The following CNBD1 variants were observed in gnomAD, a reference collection of about 807,000 sequenced individuals.
CNBD1 encodes cyclic nucleotide-binding domain-containing protein 1.
A neutral mutation model predicts 54.4 loss-of-function variants in CNBD1; 71 were observed. The ratio of observed to expected loss-of-function variants is 1.30; its 90% CI spans 1.08 to 1.59. CNBD1 has a LOEUF of 1.59. Ranked by LOEUF, CNBD1 falls within the 40% of genes most tolerant of loss-of-function variation. The pLI is 0.00. For synonymous variants in CNBD1, 182 were observed against 170.7 expected, an observed-to-expected ratio of 1.07 and a Z score of -0.51; for missense variants, 659 against 518.0, an observed-to-expected ratio of 1.27 and a Z score of -2.64.
At chr8:87,147,218 GTTA>G (rs1812508149) in intron 4 of CNBD1, among the ~76,000 whole-genome samples, 1 of 152,006 alleles carries the variant, frequency 6.6e-6, no homozygotes, top group Non-Finnish European at 1.5e-5. Context: ...TATGTGATAT[GTTA>G]TTATTTATTT....
chr8:87,258,023 C>T (rs1396338743), intron 6 of CNBD1, among the ~76,000 whole-genome samples: 2 of 151,888 alleles, frequency 1.3e-5, no homozygotes, highest in South Asian at 2.1e-4. Flanking sequence ...TAAAATATAA[C>T]CTGAAGATTA....
At chr8:87,223,348 A>G (rs1372097126) in intron 5 of CNBD1, among the ~76,000 whole-genome samples, 3 of 151,550 alleles carry the variant, frequency 2.0e-5, no homozygotes, top group South Asian at 2.1e-4. Flanking sequence ...CCACTAACTC[A>G]TCATCTAGCA....
intron 4 of CNBD1, among the ~76,000 whole-genome samples, chr8:87,075,776 G>A (rs961175517): frequency 2.0e-5 from 3 of 152,068 alleles, no homozygotes; most frequent in African/African-American, 7.2e-5. Context: ...ATGGGTGTTT[G>A]GCGAATGTTT....
At chr8:87,070,094 A>G (rs1365274365) in intron 4 of CNBD1, among the ~76,000 whole-genome samples, 1 of 152,072 alleles carries the variant, frequency 6.6e-6, no homozygotes, top group Non-Finnish European at 1.5e-5. Flanking sequence ...ATTAGTGGGT[A>G]TCCACATTTC....
At chr8:86,905,288 C>T in intron 3 of CNBD1, 94 bp downstream of exon 3, 1 of 696,678 alleles carries the variant, frequency 1.4e-6, no homozygotes. Context: ...AATATTTGAC[C>T]AGTTTCAGTC....
At chr8:87,422,175 GC>G (rs1224867637) in intron 2 of CNBD1, among the ~76,000 whole-genome samples, 2 of 145,970 alleles carry the variant, frequency 1.4e-5, no homozygotes, top group Non-Finnish European at 1.5e-5. Flanking sequence ...CTGGATATTA[GC>G]CCTTTGTCAG....
In CNBD1 at chr8:86,988,001, G is replaced by A. The variant is rs139951939; in HGVS notation, c.431+48247G>A. Among the ~76,000 whole-genome samples, 53 of 152,154 alleles carry A rather than the reference G, an allele frequency of 3.5e-4. 1 individual carries two copies. The highest frequency in any genetic ancestry group is 1.1e-3 in the African/African-American group (45 of 41,540). On this transcript the variant is annotated intron_variant, in intron 4 of 10. Coordinates refer to ENST00000518476, the MANE Select transcript of CNBD1 (RefSeq NM_173538.3). ...TTCCCGATTTTGGTATCAGGCTGAC[G>A]CTAGCTTAATATAATGAGCAGGAAG...
At chr8:87,102,759 A>T (rs1410931019) in intron 4 of CNBD1, among the ~76,000 whole-genome samples, 1 of 151,944 alleles carries the variant, frequency 6.6e-6, no homozygotes, top group African/African-American at 2.4e-5. Flanking sequence ...GACTACAGGC[A>T]CCTGCCAAAA....
intron 6 of CNBD1, among the ~76,000 whole-genome samples, chr8:87,264,781 A>G (rs927127220): frequency 2.6e-5 from 4 of 152,034 alleles, no homozygotes; most frequent in African/African-American, 4.8e-5. Context: ...TGTGTCTGTC[A>G]GCTGCATAAA....
intron 8 of CNBD1, among the ~76,000 whole-genome samples, chr8:87,321,474 G>A (rs1255078177): frequency 2.6e-5 from 4 of 152,030 alleles, no homozygotes; most frequent in Non-Finnish European, 5.9e-5. Flanking sequence ...TCTTATACCT[G>A]TTCTACATTT....
At chr8:86,894,569 A>G (rs1808822717) in intron 2 of CNBD1, among the ~76,000 whole-genome samples, 1 of 152,164 alleles carries the variant, frequency 6.6e-6, no homozygotes, top group African/African-American at 2.4e-5. Context: ...TGTGTTGAAC[A>G]TTGCAGGGCT....
At chr8:87,041,672 G>A (rs539207765) in intron 4 of CNBD1, among the ~76,000 whole-genome samples, 1 of 152,126 alleles carries the variant, frequency 6.6e-6, no homozygotes, top group African/African-American at 2.4e-5. Context: ...GGTGGTGGGT[G>A]CCTGTAGTCC....
chr8:87,144,777 G>A (rs150080722), intron 4 of CNBD1, among the ~76,000 whole-genome samples: 2,039 of 147,840 alleles, frequency 0.014, 38 homozygotes, highest in African/African-American at 0.043. Flanking sequence ...GCCAAATTGC[G>A]CCATTGCACT....
At chr8:87,386,044 G>T (rs1264815645), downstream of CNBD1, among the ~76,000 whole-genome samples, 1 of 152,116 alleles carries the variant, frequency 6.6e-6, no homozygotes, top group African/African-American at 2.4e-5. Context: ...CAACAGACCT[G>T]CAGCTGAGGG....
chr8:87,240,103 C>CACAG (rs933185511), intron 6 of CNBD1, among the ~76,000 whole-genome samples: 1 of 149,256 alleles, frequency 6.7e-6, no homozygotes, highest in African/African-American at 2.5e-5. Context: ...CACACACACA[C>CACAG]AGACACAAAC....
At chr8:86,956,613 C>A (rs1438177757) in intron 4 of CNBD1, among the ~76,000 whole-genome samples, 1 of 152,100 alleles carries the variant, frequency 6.6e-6, no homozygotes, top group Non-Finnish European at 1.5e-5. Flanking sequence ...GGAGTTCATT[C>A]ATGATTTGGC....
At chr8:87,266,438 C>CTTTTTTTTT (rs72293236) in intron 6 of CNBD1, among the ~76,000 whole-genome samples, 22 of 50,134 alleles carry the variant, frequency 4.4e-4, no homozygotes, top group East Asian at 6.9e-4. Flanking sequence ...AAAAAAAAAT[C>CTTTTTTTTT]TTTTTTTTTT....
At chr8:87,019,388 A>G (rs1179473819) in intron 4 of CNBD1, among the ~76,000 whole-genome samples, 2 of 152,032 alleles carry the variant, frequency 1.3e-5, no homozygotes, top group Admixed American at 6.5e-5. Flanking sequence ...GTAGATTTAT[A>G]TAACTTTCCC....
At chr8:86,875,696 A>G (rs1485086488) in intron 1 of CNBD1, among the ~76,000 whole-genome samples, 1 of 152,116 alleles carries the variant, frequency 6.6e-6, no homozygotes, top group Non-Finnish European at 1.5e-5. Context: ...TGGTGTTTCA[A>G]CATTAAACAT....
Sources: allele counts gnomAD v4.1 joint callset (sites outside exome capture counted in the v4.1 genomes callset), GRCh38; gene constraint gnomAD v4.1.1; transcripts MANE v1.5; gene names NCBI Gene and HGNC (gene_info 2026-07-23, HGNC 2026-07-21).